GALNTL6: variants seen among roughly 807,000 people sequenced by gnomAD.
The protein encoded by GALNTL6 is polypeptide N-acetylgalactosaminyltransferase-like 6.
A neutral mutation model predicts 73.7 loss-of-function variants in GALNTL6; 46 were observed. The ratio of observed to expected loss-of-function variants is 0.62; its 90% CI spans 0.49 to 0.80. The LOEUF is 0.80. Among genes scored for constraint, GALNTL6 ranks in the 30% least tolerant of loss-of-function variants. The pLI is 0.00. For missense variants in GALNTL6, 604 were observed against 755.0 expected, an observed-to-expected ratio of 0.80 and a Z score of 2.34; for synonymous variants, 259 against 263.7, an observed-to-expected ratio of 0.98 and a Z score of 0.17.
chr4:172,366,389 TCAC>T (rs912057335), intron 5 of GALNTL6, among the ~76,000 whole-genome samples: 57 of 152,304 alleles, frequency 3.7e-4, no homozygotes, highest in African/African-American at 1.3e-3. Context: ...TCATTTGTAA[TCAC>T]CACATTGTCA....
intron 5 of GALNTL6, among the ~76,000 whole-genome samples, chr4:172,727,203 A>G (rs1345023723): frequency 6.6e-6 from 1 of 152,206 alleles, no homozygotes; most frequent in African/African-American, 2.4e-5. Context: ...GTGCCCATAG[A>G]AAAACCTGGC....
chr4:172,470,784 C>G (rs970386660), intron 5 of GALNTL6, among the ~76,000 whole-genome samples: 5 of 152,168 alleles, frequency 3.3e-5, no homozygotes, highest in Admixed American at 1.3e-4. Flanking sequence ...ATCTAAAAAT[C>G]AAAGTATCTC....
intron 8 of GALNTL6, among the ~76,000 whole-genome samples, chr4:172,921,104 A>C (rs1344897918): frequency 6.6e-6 from 1 of 152,198 alleles, no homozygotes; most frequent in Non-Finnish European, 1.5e-5. Context: ...CGAGGGTGAC[A>C]GAGTATCTGG....
intron 5 of GALNTL6, among the ~76,000 whole-genome samples, chr4:172,637,018 C>T (rs1739725990): frequency 6.6e-6 from 1 of 152,080 alleles, no homozygotes; most frequent in East Asian, 1.9e-4. Flanking sequence ...AAACATATTT[C>T]CAAACAATCA....
chr4:172,250,004 A>G (rs1201245355), intron 3 of GALNTL6, among the ~76,000 whole-genome samples: 1 of 152,136 alleles, frequency 6.6e-6, no homozygotes, highest in Non-Finnish European at 1.5e-5. Flanking sequence ...CTAGAATGGC[A>G]GATCCACTGA....
intron 5 of GALNTL6, among the ~76,000 whole-genome samples, chr4:172,522,672 C>A (rs761011479): frequency 1.4e-4 from 9 of 64,210 alleles, no homozygotes; most frequent in South Asian, 9.3e-4. Context: ...CAGTCCCCCC[C>A]CCCCCCAAAA....
intron 8 of GALNTL6, among the ~76,000 whole-genome samples, chr4:172,897,298 C>A (rs1267426645): frequency 6.6e-6 from 1 of 151,730 alleles, no homozygotes; most frequent in African/African-American, 2.4e-5. Flanking sequence ...CCTCTAGAGA[C>A]CTGCTGTGGG....
rs111524376 is a variant in GALNTL6, at chr4:172,220,414, G to T, written c.139-9242G>T. Among the ~76,000 whole-genome samples the T allele has an allele frequency of 2.2e-3, 340 of 151,818 alleles. 1 individual carries two copies. The highest frequency in any genetic ancestry group is 6.7e-3 in the African/African-American group (279 of 41,518). ...TCAATAAATACATGTTGAGTGGGCA[G>T]CCGAATGGTGGATTGAATAAAATTA... On this transcript the variant is annotated intron_variant, in intron 2 of 12. Transcript: ENST00000506823.
chr4:172,339,257 C>CCACACACACACACACACACA (rs70941402), intron 4 of GALNTL6, among the ~76,000 whole-genome samples: 108 of 121,002 alleles, frequency 8.9e-4, no homozygotes, highest in Middle Eastern at 4.8e-3. Flanking sequence ...CACACACACA[C>CCACACACACACACACACACA]CACACACACA....
intron 5 of GALNTL6, among the ~76,000 whole-genome samples, chr4:172,738,033 G>T (rs1258148270): frequency 6.6e-6 from 1 of 152,176 alleles, no homozygotes; most frequent in African/African-American, 2.4e-5. Context: ...AGCTGGAGAT[G>T]GTAGTCCTGC....
chr4:172,413,839 C>T (rs77808060), intron 5 of GALNTL6, among the ~76,000 whole-genome samples: 3,146 of 152,030 alleles, frequency 0.021, 104 homozygotes, highest in African/African-American at 0.071. Context: ...TCTTAAGATT[C>T]CCTTTCCATT....
At chr4:172,276,451 T>C (rs1379721685) in intron 3 of GALNTL6, among the ~76,000 whole-genome samples, 1 of 152,232 alleles carries the variant, frequency 6.6e-6, no homozygotes, top group Non-Finnish European at 1.5e-5. Context: ...TATTTTAAAA[T>C]TCATTCTACT....
At chr4:171,961,872 C>A (rs1739229351) in intron 2 of GALNTL6, among the ~76,000 whole-genome samples, 1 of 152,142 alleles carries the variant, frequency 6.6e-6, no homozygotes, top group Admixed American at 6.5e-5. Flanking sequence ...CATAGAAAGC[C>A]TTCTTAATTA....
At chr4:172,604,603 A>G (rs942686770) in intron 5 of GALNTL6, among the ~76,000 whole-genome samples, 1 of 152,202 alleles carries the variant, frequency 6.6e-6, no homozygotes, top group African/African-American at 2.4e-5. Flanking sequence ...ATTTAAAGGT[A>G]ACAAAATTAA....
rs993281467 is a variant in GALNTL6, at chr4:173,040,368, C to A, written c.*268C>A. 1.7e-5 allele frequency: 7 copies of A among 416,286 alleles called. No homozygotes were observed. Among genetic ancestry groups the A allele is most frequent in the Non-Finnish European group, 3.0e-5 (7 of 233,460 alleles). 25.8% of individuals were successfully genotyped at this position (416,286 alleles called of 1,614,324 possible). On this transcript the variant is annotated 3_prime_UTR_variant, in exon 13 of 13. Coordinates refer to ENST00000506823, the MANE Select transcript of GALNTL6 (RefSeq NM_001034845.3). ...AAGATAATTTAGGGACTTTTCAAAACAACTGCTGAGCTAATAAATCCTAGC... is the reference window on the plus strand; with the variant it reads ...AAGATAATTTAGGGACTTTTCAAAAAAACTGCTGAGCTAATAAATCCTAGC...
chr4:172,226,479 A>G (rs897853527), intron 2 of GALNTL6, among the ~76,000 whole-genome samples: 1 of 152,050 alleles, frequency 6.6e-6, no homozygotes, highest in East Asian at 1.9e-4. Flanking sequence ...AGTTTTTAAT[A>G]TATATCATTA....
chr4:172,771,852 C>A (rs1434920174), intron 5 of GALNTL6, among the ~76,000 whole-genome samples: 4 of 150,088 alleles, frequency 2.7e-5, no homozygotes, highest in African/African-American at 9.8e-5. Flanking sequence ...AGATTTCAAT[C>A]TTTTTTTTTT....
rs200452023 is a variant in GALNTL6, at chr4:172,487,367, C to CTTCTT, written c.553+138705_553+138709dup. ...CTTTCTTTCTTTCTTTCCTTCTTTC[C>CTTCTT]TTCTTTTCTTTTCTTTTCTTTTCTT... is the stretch of plus-strand genomic sequence containing the variant. On this transcript the variant is annotated intron_variant, in intron 5 of 12. Coordinates refer to ENST00000506823, the MANE Select transcript of GALNTL6 (RefSeq NM_001034845.3). Among the ~76,000 whole-genome samples, 838 of 86,886 alleles carry CTTCTT rather than the reference C, an allele frequency of 9.6e-3. 8 individuals carry two copies. The highest frequency in any genetic ancestry group is 0.017 in the African/African-American group (428 of 24,678). The allele number at this position is 86,886 out of a possible 152,430, so 57.0% of individuals were successfully genotyped here.
At chr4:172,744,840 C>CGTGCGT in intron 5 of GALNTL6, among the ~76,000 whole-genome samples, 1 of 149,368 alleles carries the variant, frequency 6.7e-6, no homozygotes, top group Admixed American at 6.7e-5. Context: ...AGTGCGCGTG[C>CGTGCGT]GTGTGTGTGT....
Sources: allele counts gnomAD v4.1 joint callset (sites outside exome capture counted in the v4.1 genomes callset), GRCh38; gene constraint gnomAD v4.1.1; transcripts MANE v1.5; gene names NCBI Gene and HGNC (gene_info 2026-07-23, HGNC 2026-07-21).